GNPAT: variants seen among roughly 807,000 people sequenced by gnomAD.
GNPAT encodes glyceronephosphate O-acyltransferase.
Under a neutral mutation model 78.4 loss-of-function variants are expected in GNPAT, and 30 were observed. That is an observed-to-expected ratio of 0.38 (90% CI 0.29 to 0.52). GNPAT has a LOEUF of 0.52. Ranked by LOEUF, GNPAT falls within the 20% of genes least tolerant of loss-of-function variation. The pLI, the probability that GNPAT is intolerant of heterozygous loss-of-function variation, is 0.84. For synonymous variants in GNPAT, 271 were observed against 281.1 expected, an observed-to-expected ratio of 0.96 and a Z score of 0.36; for missense variants, 714 against 812.2, an observed-to-expected ratio of 0.88 and a Z score of 1.47.
chr1:231,271,984 C>T (rs1685581602), intron 10 of GNPAT, among the ~76,000 whole-genome samples: 1 of 152,144 alleles, frequency 6.6e-6, no homozygotes, highest in Admixed American at 6.5e-5. Flanking sequence ...CCTGTAATCC[C>T]AGCTACTTGG....
intron 1 of GNPAT, among the ~76,000 whole-genome samples, chr1:231,245,745 G>A (rs1267959089): frequency 1.3e-5 from 2 of 152,172 alleles, no homozygotes; most frequent in Non-Finnish European, 2.9e-5. Flanking sequence ...CAAAGCAGGC[G>A]GATCACCTGA....
At position 231,266,029 on chromosome 1, in the gene GNPAT, T is replaced by C. The variant is rs1359003130; in HGVS notation, c.788T>C (p.Val263Ala). ...LTPKFGLLNIVMEPFFKREVF... is the reference protein window; with the variant it reads ...LTPKFGLLNIAMEPFFKREVF... ...TGTTTTGCAGGTCTTCTGAATATTG[T>C]GATGGAGCCATTTTTTAAAAGAGAA... is the stretch of plus-strand genomic sequence containing the variant. Residue 263 changes from valine (V) to alanine (A), a missense_variant, in exon 7 of 16, where the codon GTG becomes GCG. Coordinates refer to ENST00000366647, the MANE Select transcript of GNPAT (RefSeq NM_014236.4). 6.2e-7 allele frequency: 1 copy of C among 1,612,496 alleles called. No individual in the cohort carries two copies. Among genetic ancestry groups the C allele is most frequent in the Non-Finnish European group, 8.5e-7 (1 of 1,179,204 alleles).
In GNPAT at chr1:231,273,955, AG is replaced by A; in HGVS notation, c.1637del (p.Ser546MetfsTer6). 1 of 1,613,222 alleles carries A rather than the reference AG, an allele frequency of 6.2e-7. No individual in the cohort carries two copies. The highest frequency in any genetic ancestry group is 8.5e-7 in the Non-Finnish European group (1 of 1,179,130). On this transcript the variant is annotated frameshift_variant, in exon 12 of 16. Transcript: ENST00000366647. LOFTEE classifies it high-confidence loss of function. ...FEEGCYLLCK[S>X]EAIQVTTKDI... Reference sequence around the variant, plus strand: ...AGAAGGCTGTTACCTGCTTTGTAAAAGTGAAGCCATACAAGTGACTACGAAA... The same window carrying A: ...AGAAGGCTGTTACCTGCTTTGTAAAATGAAGCCATACAAGTGACTACGAAA...
At position 231,245,707 on chromosome 1, in the gene GNPAT, C is replaced by T. The variant is rs141308277; in HGVS notation, c.78+4251C>T. Among the ~76,000 whole-genome samples the T allele has an allele frequency of 7.8e-3, 1,185 of 152,348 alleles. 22 individuals are homozygous for T. Among genetic ancestry groups the T allele is most frequent in the African/African-American group, 0.027 (1,118 of 41,580 alleles). Reference sequence around the variant, plus strand: ...TTAAATAGCCGGGCGCTGTGGCTTACGCCTGTAATCCCAGCACTTTGGGAG... The same window carrying T: ...TTAAATAGCCGGGCGCTGTGGCTTATGCCTGTAATCCCAGCACTTTGGGAG... On this transcript the variant is annotated intron_variant, in intron 1 of 15. Coordinates refer to ENST00000366647, the MANE Select transcript of GNPAT (RefSeq NM_014236.4).
In GNPAT at chr1:231,267,877, C is replaced by A; in HGVS notation, c.1253C>A (p.Ala418Glu). Residue 418 changes from alanine (A) to glutamate (E), a missense_variant, in exon 9 of 16, where the codon GCA (alanine) becomes GAA (glutamate). Transcript: ENST00000366647. ...TTATGGCTAAAAGGCTTAACCCAGG[C>A]ATTTGGAGGGTTTCTCATTTGGCCT... is the stretch of plus-strand genomic sequence containing the variant. Reference protein sequence around the residue: ...KTLWLKGLTQAFGGFLIWPDN... With the variant: ...KTLWLKGLTQEFGGFLIWPDN... 6.2e-7 allele frequency: 1 copy of A among 1,610,792 alleles called. No individual in the cohort carries two copies. Among genetic ancestry groups the A allele is most frequent in the Non-Finnish European group, 8.5e-7 (1 of 1,176,988 alleles).
At chr1:231,276,941 C>G (rs901397349) in intron 15 of GNPAT, among the ~76,000 whole-genome samples, 1 of 152,146 alleles carries the variant, frequency 6.6e-6, no homozygotes, top group Non-Finnish European at 1.5e-5. Context: ...CTCGTCAAAC[C>G]TGCATGGAAG....
intron 2 of GNPAT, among the ~76,000 whole-genome samples, chr1:231,259,871 A>G (rs1432662596): frequency 1.3e-5 from 2 of 152,216 alleles, no homozygotes; most frequent in Non-Finnish European, 2.9e-5. Flanking sequence ...AAAATGGGCA[A>G]ATCAGGGCTT....
At position 231,277,808 on chromosome 1, in the gene GNPAT, G is replaced by A; in HGVS notation, c.*266G>A. On this transcript the variant is annotated 3_prime_UTR_variant, in exon 16 of 16. Coordinates refer to ENST00000366647, the MANE Select transcript of GNPAT (RefSeq NM_014236.4). The stretch of plus-strand genomic sequence containing the variant: ...AACATGTTTGGAAAAGCAAAGCTCA[G>A]CTCATTTCACTAACACTTTTCAGCT... 1 of 423,088 alleles carries A rather than the reference G, an allele frequency of 2.4e-6. No homozygotes were observed. Among genetic ancestry groups the A allele is most frequent in the Non-Finnish European group, 4.3e-6 (1 of 231,770 alleles). The allele number at this position is 423,088 out of a possible 1,614,324, so 26.2% of individuals were successfully genotyped here. A position where few individuals can be genotyped will look rare whatever the true frequency, so the allele number is the denominator to read the frequency against.
chr1:231,268,054 G>A (rs974715422), intron 9 of GNPAT, 151 bp downstream of exon 9: 3 of 685,728 alleles, frequency 4.4e-6, no homozygotes, highest in Non-Finnish European at 8.0e-6. Context: ...TGTAATCCCA[G>A]CACTTTGGGA....
At chr1:231,272,514 A>T in intron 11 of GNPAT, 123 bp downstream of exon 11, 2 of 683,576 alleles carry the variant, frequency 2.9e-6, no homozygotes, top group Non-Finnish European at 5.5e-6. Flanking sequence ...AGTGGGGCAG[A>T]CTTCAAGAGA....
chr1:231,268,175 C>T (rs1018677606), intron 9 of GNPAT, among the ~76,000 whole-genome samples: 15 of 152,198 alleles, frequency 9.9e-5, no homozygotes, highest in East Asian at 3.9e-4. Context: ...TGGTGGTAGG[C>T]GCCTGTAGTC....
chr1:231,273,524 T>A (rs959451429), intron 11 of GNPAT, among the ~76,000 whole-genome samples: 1 of 152,178 alleles, frequency 6.6e-6, no homozygotes, highest in Non-Finnish European at 1.5e-5. Flanking sequence ...GTGCTGGGAT[T>A]ACAGGCGTGA....
chr1:231,248,132 ACT>A (rs1684797875), intron 1 of GNPAT, among the ~76,000 whole-genome samples: 1 of 151,858 alleles, frequency 6.6e-6, no homozygotes, highest in African/African-American at 2.4e-5. Context: ...ATTCACAATA[ACT>A]CTTGACTCTC....
At chr1:231,249,474 T>C (rs1684833999) in intron 1 of GNPAT, among the ~76,000 whole-genome samples, 1 of 152,236 alleles carries the variant, frequency 6.6e-6, no homozygotes, top group Non-Finnish European at 1.5e-5. Flanking sequence ...TTGAGTTCAG[T>C]TATTGACCAA....
chr1:231,253,393 A>G (rs1415097925), intron 2 of GNPAT, among the ~76,000 whole-genome samples: 2 of 152,226 alleles, frequency 1.3e-5, no homozygotes, highest in Non-Finnish European at 2.9e-5. Flanking sequence ...TCTGGTTTCT[A>G]ATTAGTGAAG....
chr1:231,268,297 G>C (rs1685448165), intron 9 of GNPAT, among the ~76,000 whole-genome samples: 1 of 152,000 alleles, frequency 6.6e-6, no homozygotes, highest in Non-Finnish European at 1.5e-5. Context: ...GCGAGACTCT[G>C]TCTCAAAAAA....
chr1:231,256,084 T>C (rs913857096), intron 2 of GNPAT, among the ~76,000 whole-genome samples: 18 of 152,212 alleles, frequency 1.2e-4, no homozygotes, highest in Non-Finnish European at 5.9e-5. Context: ...GGCAGTTTTA[T>C]TAATTGCCAG....
In GNPAT at chr1:231,252,784, G is replaced by A. The variant is rs1476239982; in HGVS notation, c.261+1641G>A. Among the ~76,000 whole-genome samples the A allele has an allele frequency of 2.9e-4, 44 of 151,898 alleles. 1 individual carries two copies. The highest frequency in any genetic ancestry group is 1.5e-5 in the Non-Finnish European group (1 of 68,012). On this transcript the variant is annotated intron_variant, in intron 2 of 15. Transcript: ENST00000366647. ...TGCAACTAGTGTGTTTTTGTAAGGA[G>A]AGTGAACTCATTCAGAATTGCAGTA... is the stretch of plus-strand genomic sequence containing the variant.
At chr1:231,252,871 T>G (rs1175273940) in intron 2 of GNPAT, among the ~76,000 whole-genome samples, 1 of 151,954 alleles carries the variant, frequency 6.6e-6, no homozygotes, top group South Asian at 2.1e-4. Flanking sequence ...TTTGTGTAGA[T>G]TGTGGCTCAC....
Sources: gnomAD v4.1 joint callset for allele counts (sites outside exome capture counted in the v4.1 genomes callset) on GRCh38, gnomAD v4.1.1 for gene constraint, MANE v1.5 for transcripts, NCBI Gene and HGNC (gene_info 2026-07-23, HGNC 2026-07-21) for gene names.